Variants in NEGR1 observed in about 807,000 individuals in gnomAD.
NEGR1 encodes neuronal growth regulator 1, also known as IgLON family member 4.
A neutral mutation model predicts 40.9 loss-of-function variants in NEGR1; 10 were observed. That is an observed-to-expected ratio of 0.24 (90% confidence interval 0.15 to 0.42). NEGR1 has a LOEUF of 0.42. NEGR1 is among the 10% of genes least tolerant of loss of function. NEGR1 has a pLI of 1.00. For synonymous variants in NEGR1, 185 were observed against 166.8 expected (o/e 1.11, Z -0.84); for missense variants, 352 against 438.9 (o/e 0.80, Z 1.77).
At chr1:72,180,806 G>A (rs1391393654) in intron 1 of NEGR1, among the ~76,000 whole-genome samples, 1 of 152,042 alleles carries the variant, frequency 6.6e-6, no homozygotes, top group Non-Finnish European at 1.5e-5. Flanking sequence ...TGTTATAAGA[G>A]CCCTAGGGTT....
At chr1:71,688,403 T>TATAAAAGATAAATATAA (rs1557613864) in intron 4 of NEGR1, among the ~76,000 whole-genome samples, 1 of 30,148 alleles carries the variant, frequency 3.3e-5, no homozygotes. Context: ...AATATATATA[T>TATAAAAGATAAATATAA]AAGATATATA....
intron 1 of NEGR1, among the ~76,000 whole-genome samples, chr1:71,936,330 A>C (rs575995272): frequency 2.6e-5 from 4 of 152,344 alleles, no homozygotes; most frequent in African/African-American, 9.6e-5. Flanking sequence ...CATTTATAAG[A>C]TATCTATGGA....
At chr1:72,073,674 A>C (rs1647577354) in intron 1 of NEGR1, among the ~76,000 whole-genome samples, 1 of 152,120 alleles carries the variant, frequency 6.6e-6, no homozygotes, top group African/African-American at 2.4e-5. Flanking sequence ...GTTCAAATAA[A>C]CCAGCTCATG....
At chr1:71,582,828 T>C (rs899352218) in intron 6 of NEGR1, among the ~76,000 whole-genome samples, 1 of 152,242 alleles carries the variant, frequency 6.6e-6, no homozygotes, top group Non-Finnish European at 1.5e-5. Flanking sequence ...CAGAATTGCC[T>C]GAGTAATTCA....
chr1:71,572,734 T>C (rs1363340642), intron 6 of NEGR1, among the ~76,000 whole-genome samples: 1 of 152,234 alleles, frequency 6.6e-6, no homozygotes, highest in African/African-American at 2.4e-5. Flanking sequence ...GTTATTACTA[T>C]GGAAACAACA....
chr1:71,687,787 T>C (rs534054181), intron 4 of NEGR1, among the ~76,000 whole-genome samples: 1 of 152,276 alleles, frequency 6.6e-6, no homozygotes, highest in African/African-American at 2.4e-5. Flanking sequence ...ACACAGTTTG[T>C]TGAGAATAAT....
At chr1:71,524,680 A>G (rs1175048563) in intron 6 of NEGR1, among the ~76,000 whole-genome samples, 1 of 151,708 alleles carries the variant, frequency 6.6e-6, no homozygotes, top group African/African-American at 2.4e-5. Flanking sequence ...AATTTATTAC[A>G]TTATGTAGCT....
chr1:71,541,963 A>G (rs749882722), intron 6 of NEGR1, among the ~76,000 whole-genome samples: 2 of 151,754 alleles, frequency 1.3e-5, no homozygotes, highest in African/African-American at 4.8e-5. Flanking sequence ...TTTTCCTGAC[A>G]CTATTCTAAG....
At chr1:71,652,117 C>T (rs1651736585) in intron 4 of NEGR1, among the ~76,000 whole-genome samples, 1 of 152,114 alleles carries the variant, frequency 6.6e-6, no homozygotes, top group South Asian at 2.1e-4. Context: ...ATATTAAAAA[C>T]CAAGATATGC....
intron 1 of NEGR1, among the ~76,000 whole-genome samples, chr1:71,976,713 T>G (rs1170022245): frequency 6.6e-6 from 1 of 152,190 alleles, no homozygotes; most frequent in Non-Finnish European, 1.5e-5. Context: ...ATAACCTCCT[T>G]TTGTCTTTGC....
chr1:71,920,051 A>T (rs1218904931), intron 2 of NEGR1, among the ~76,000 whole-genome samples: 1 of 152,088 alleles, frequency 6.6e-6, no homozygotes, highest in East Asian at 1.9e-4. Context: ...GAGCTCAGCA[A>T]TTATAGCCTC....
chr1:71,541,679 T>C (rs771176344), intron 6 of NEGR1, among the ~76,000 whole-genome samples: 29 of 151,798 alleles, frequency 1.9e-4, no homozygotes, highest in Non-Finnish European at 4.0e-4. Context: ...TGTCAGAATA[T>C]GCATTATTAC....
intron 4 of NEGR1, among the ~76,000 whole-genome samples, chr1:71,660,083 G>C (rs547628114): frequency 2.6e-5 from 4 of 152,240 alleles, no homozygotes; most frequent in Admixed American, 2.6e-4. Flanking sequence ...TGTAAATGTT[G>C]ATCAATAGCA....
intron 1 of NEGR1, among the ~76,000 whole-genome samples, chr1:72,074,489 G>A (rs1320744111): frequency 6.6e-6 from 1 of 151,574 alleles, no homozygotes. Flanking sequence ...AGGTTTTATC[G>A]GCACTACACC....
intron 2 of NEGR1, among the ~76,000 whole-genome samples, chr1:71,823,718 A>C (rs958488697): frequency 3.3e-5 from 5 of 152,014 alleles, no homozygotes; most frequent in Non-Finnish European, 7.4e-5. Flanking sequence ...TATTTCCAGA[A>C]TTTTTATATC....
intron 4 of NEGR1, among the ~76,000 whole-genome samples, chr1:71,670,653 G>C (rs1177290227): frequency 6.6e-6 from 1 of 151,744 alleles, no homozygotes; most frequent in African/African-American, 2.4e-5. Context: ...AGTGATCCTC[G>C]AGTCATGAAC....
chr1:71,761,296 T>C (rs1357290609), intron 3 of NEGR1, among the ~76,000 whole-genome samples: 1 of 152,160 alleles, frequency 6.6e-6, no homozygotes, highest in Non-Finnish European at 1.5e-5. Context: ...ATAGACAATA[T>C]ATAAAGGAAT....
chr1:71,575,323 G>A (rs1398102758), intron 6 of NEGR1, among the ~76,000 whole-genome samples: 1 of 152,152 alleles, frequency 6.6e-6, no homozygotes, highest in African/African-American at 2.4e-5. Flanking sequence ...ACTTGCTGTG[G>A]GAAGTCTGTG....
intron 4 of NEGR1, among the ~76,000 whole-genome samples, chr1:71,660,815 A>G (rs1000764318): frequency 9.9e-5 from 15 of 152,104 alleles, no homozygotes; most frequent in African/African-American, 3.4e-4. Context: ...CCCGTCATCC[A>G]CATTAGGTAT....
Sources: gnomAD v4.1 joint callset for allele counts (sites outside exome capture counted in the v4.1 genomes callset) on GRCh38, gnomAD v4.1.1 for gene constraint, MANE v1.5 for transcripts, NCBI Gene and HGNC (gene_info 2026-07-23, HGNC 2026-07-21) for gene names.